Variants in EVI5 observed in about 807,000 individuals in gnomAD.
EVI5 encodes ecotropic viral integration site 5 protein homolog.
Under a neutral mutation model 112.0 loss-of-function variants are expected in EVI5, and 73 were observed. The ratio of observed to expected loss-of-function variants is 0.65; its 90% confidence interval spans 0.54 to 0.79. The LOEUF (loss-of-function observed/expected upper bound fraction) is 0.79, where lower values mean the gene tolerates loss of function less well. Among genes scored for constraint, EVI5 ranks in the 30% least tolerant of loss-of-function variants. The pLI, the probability that EVI5 is intolerant of heterozygous loss-of-function variation, is 0.00. For synonymous variants in EVI5, 305 were observed against 319.9 expected (o/e 0.95, Z 0.50); for missense variants, 900 against 968.8 (o/e 0.93, Z 0.94).
At chr1:92,547,013 A>G (rs1257331812) in intron 19 of EVI5, among the ~76,000 whole-genome samples, 2 of 152,232 alleles carry the variant, frequency 1.3e-5, no homozygotes, top group African/African-American at 4.8e-5. Context: ...AGACATCTAC[A>G]GAACTCTCCA....
At chr1:92,777,453 C>T (rs1040532919) in intron 1 of EVI5, among the ~76,000 whole-genome samples, 5 of 152,064 alleles carry the variant, frequency 3.3e-5, no homozygotes, top group South Asian at 2.1e-4. Context: ...CTCGTTAAAC[C>T]GGATTATCTT....
intron 2 of EVI5, among the ~76,000 whole-genome samples, chr1:92,719,219 A>G (rs1674325637): frequency 6.6e-6 from 1 of 152,034 alleles, no homozygotes; most frequent in Non-Finnish European, 1.5e-5. Flanking sequence ...TCCTGATACC[A>G]AAGGTTGGCA....
At chr1:92,708,193 A>G (rs1039847417) in intron 2 of EVI5, among the ~76,000 whole-genome samples, 4 of 152,166 alleles carry the variant, frequency 2.6e-5, no homozygotes, top group African/African-American at 9.6e-5. Flanking sequence ...ATTGGCTACC[A>G]CCAAGAAAGT....
chr1:92,584,706 A>G (rs770326669), intron 18 of EVI5, among the ~76,000 whole-genome samples: 16 of 152,246 alleles, frequency 1.1e-4, no homozygotes, highest in Non-Finnish European at 1.6e-4. Context: ...GTTTCCTGTA[A>G]TTTAAAGTCA....
At chr1:92,719,880 A>C (rs1290604787) in intron 2 of EVI5, among the ~76,000 whole-genome samples, 2 of 152,202 alleles carry the variant, frequency 1.3e-5, no homozygotes, top group East Asian at 3.9e-4. Context: ...GCATTCTTAT[A>C]AACCAATAAC....
chr1:92,583,132 C>T (rs542470214), intron 18 of EVI5, among the ~76,000 whole-genome samples: 8 of 151,938 alleles, frequency 5.3e-5, no homozygotes, highest in South Asian at 2.1e-4. Context: ...TTCTGAAAGA[C>T]GCAGAATATT....
At chr1:92,664,982 G>A (rs758095867) in intron 11 of EVI5, among the ~76,000 whole-genome samples, 13 of 152,110 alleles carry the variant, frequency 8.5e-5, no homozygotes, top group African/African-American at 2.4e-4. Flanking sequence ...CGAGGCAGGC[G>A]GATCACGAGG....
intron 18 of EVI5, among the ~76,000 whole-genome samples, chr1:92,599,042 T>C (rs372670142): frequency 1.3e-5 from 2 of 151,768 alleles, no homozygotes; most frequent in East Asian, 1.9e-4. Flanking sequence ...AGTCTACCTA[T>C]ATCTATATAC....
rs548308523 is a variant in EVI5, at chr1:92,532,642, T to C, written c.2167-18672A>G. Among the ~76,000 whole-genome samples, 85 of 152,196 alleles carry C rather than the reference T, an allele frequency of 5.6e-4. 1 individual carries two copies. In the South Asian group the frequency reaches 0.017, roughly 31 times the overall value. On this transcript the variant is annotated intron_variant, in intron 19 of 19. Coordinates refer to ENST00000684568, the MANE Select transcript of EVI5 (RefSeq NM_001350197.2). ...CAGGATTCAGAAACTTACTCAAAAC[T>C]GCACAACTACATGGAAACTGAACAA...
intron 13 of EVI5, among the ~76,000 whole-genome samples, chr1:92,652,355 G>A (rs1662282062): frequency 6.6e-6 from 1 of 152,176 alleles, no homozygotes; most frequent in Admixed American, 6.5e-5. Flanking sequence ...GATGGGAAAA[G>A]ATTATTGTTA....
At chr1:92,652,036 A>G (rs1662219911) in intron 13 of EVI5, among the ~76,000 whole-genome samples, 1 of 152,192 alleles carries the variant, frequency 6.6e-6, no homozygotes, top group Admixed American at 6.5e-5. Flanking sequence ...TTAAACAGAT[A>G]CTTATAGGGC....
At chr1:92,735,816 T>C (rs923733491) in intron 2 of EVI5, among the ~76,000 whole-genome samples, 4 of 138,988 alleles carry the variant, frequency 2.9e-5, no homozygotes, top group African/African-American at 1.1e-4. Flanking sequence ...GTATATTATA[T>C]ATTATTATAA....
At chr1:92,591,139 A>C (rs1033796848) in intron 18 of EVI5, among the ~76,000 whole-genome samples, 1 of 152,216 alleles carries the variant, frequency 6.6e-6, no homozygotes, top group Non-Finnish European at 1.5e-5. Context: ...GGAACAACTG[A>C]TACCAGCCAC....
At chr1:92,556,709 TA>T (rs1250516922) in intron 19 of EVI5, among the ~76,000 whole-genome samples, 1 of 152,228 alleles carries the variant, frequency 6.6e-6, no homozygotes, top group Non-Finnish European at 1.5e-5. Context: ...TCTAGGACAT[TA>T]AAAATACTTT....
intron 1 of EVI5, among the ~76,000 whole-genome samples, chr1:92,771,764 C>T (rs568244088): frequency 6.6e-6 from 1 of 151,998 alleles, no homozygotes; most frequent in South Asian, 2.1e-4. Context: ...TGTGCCACCA[C>T]GCCTGCCCGG....
chr1:92,604,351 C>T (rs7515866), intron 18 of EVI5, among the ~76,000 whole-genome samples: 139,134 of 150,990 alleles, frequency 0.92, 64,183 homozygotes, highest in East Asian at 0.97. Context: ...TGAGATCCTG[C>T]CTCAAAAAAA....
At chr1:92,785,373 C>T (rs964847342), upstream of EVI5, among the ~76,000 whole-genome samples, 12 of 152,212 alleles carry the variant, frequency 7.9e-5, no homozygotes, top group African/African-American at 2.7e-4. Context: ...CCCTCGGGGG[C>T]CCGAAGCGAC....
At position 92,688,428 on chromosome 1, in the gene EVI5, GCTCTCTCAGGGGATA is replaced by G. The variant is rs1668927964; in HGVS notation, c.1097+5359_1097+5373del. 3.3e-5 allele frequency among the ~76,000 whole-genome samples: 5 copies of G among 152,168 alleles called. No homozygotes were observed. The South Asian group carries it at 1.0e-3, about 32-fold the overall frequency. ...TTCTTGCTTTGCTCTCTCAGGGGAT[GCTCTCTCAGGGGATA>G]CTCCCTCAGGAGCAAGTCATTCTGA... On this transcript the variant is annotated intron_variant, in intron 9 of 19. Transcript: ENST00000684568.
At chr1:92,680,596 C>T (rs527902960) in intron 9 of EVI5, among the ~76,000 whole-genome samples, 1 of 152,202 alleles carries the variant, frequency 6.6e-6, no homozygotes, top group East Asian at 1.9e-4. Context: ...AAAGAGGTTA[C>T]TACATAATCT....
Sources: gnomAD v4.1 joint callset for allele counts (sites outside exome capture counted in the v4.1 genomes callset) on GRCh38, gnomAD v4.1.1 for gene constraint, MANE v1.5 for transcripts, NCBI Gene and HGNC (gene_info 2026-07-23, HGNC 2026-07-21) for gene names.